Variants in IL1RAPL2 observed in about 807,000 individuals in gnomAD.
The protein encoded by IL1RAPL2 is X-linked interleukin-1 receptor accessory protein-like 2.
Under a neutral mutation model 44.1 loss-of-function variants are expected in IL1RAPL2, and 3 were observed. The ratio of observed to expected loss-of-function variants is 0.07; its 90% CI spans 0.03 to 0.18. The LOEUF (loss-of-function observed/expected upper bound fraction) is 0.18, where lower values mean the gene tolerates loss of function less well. Among genes scored for constraint, IL1RAPL2 ranks in the 10% least tolerant of loss-of-function variants. The pLI is 1.00. For missense variants in IL1RAPL2, 391 were observed against 496.4 expected (o/e 0.79, Z 2.02); for synonymous variants, 181 against 178.8 (o/e 1.01, Z -0.10).
intron 6 of IL1RAPL2, among the ~76,000 whole-genome samples, chrX:105,695,831 G>C (rs2147534645): frequency 8.9e-6 from 1 of 112,080 alleles, no homozygotes; most frequent in African/African-American, 3.2e-5. Flanking sequence ...AAGTGAGAAA[G>C]CTGGAAATTG....
At chrX:104,721,794 T>C (rs1211233074) in intron 2 of IL1RAPL2, among the ~76,000 whole-genome samples, 2 of 111,632 alleles carry the variant, frequency 1.8e-5, no homozygotes, top group Non-Finnish European at 3.8e-5. Flanking sequence ...ACTCAAAAAC[T>C]CATTCTCAAT....
intron 3 of IL1RAPL2, among the ~76,000 whole-genome samples, chrX:105,225,162 A>T (rs1464357065): frequency 1.8e-5 from 2 of 112,069 alleles, no homozygotes; most frequent in Non-Finnish European, 3.8e-5. Context: ...AGAATGATCC[A>T]CAATTCTTAG....
intron 6 of IL1RAPL2, among the ~76,000 whole-genome samples, chrX:105,642,944 C>A (rs954047074): frequency 8.8e-5 from 10 of 113,038 alleles, no homozygotes; most frequent in South Asian, 3.6e-4. Context: ...TCCTTACATA[C>A]CTTAGAATTA....
chrX:105,684,232 G>A (rs771593435), intron 6 of IL1RAPL2, among the ~76,000 whole-genome samples: 7 of 112,299 alleles, frequency 6.2e-5, no homozygotes, highest in Admixed American at 3.8e-4. Flanking sequence ...GCGGGGCGTC[G>A]CCTCACCCGG....
At chrX:104,728,768 C>A (rs987827371) in intron 2 of IL1RAPL2, among the ~76,000 whole-genome samples, 7 of 111,425 alleles carry the variant, frequency 6.3e-5, no homozygotes, top group African/African-American at 2.3e-4. Flanking sequence ...AGAGCACGGG[C>A]CTGTTTTCTT....
chrX:104,792,671 G>A (rs1932831680), intron 2 of IL1RAPL2, among the ~76,000 whole-genome samples: 2 of 111,401 alleles, frequency 1.8e-5, no homozygotes, highest in South Asian at 3.8e-4. Flanking sequence ...ATAAACAAAG[G>A]GTGGCTGACA....
intron 3 of IL1RAPL2, among the ~76,000 whole-genome samples, chrX:105,223,341 A>G (rs2033985041): frequency 1.8e-5 from 2 of 111,255 alleles, no homozygotes; most frequent in Non-Finnish European, 3.8e-5. Flanking sequence ...AGGGCTGAGG[A>G]CAGCACCGTG....
intron 6 of IL1RAPL2, among the ~76,000 whole-genome samples, chrX:105,705,206 A>G (rs1221361464): frequency 9.0e-6 from 1 of 110,929 alleles, no homozygotes; most frequent in Non-Finnish European, 1.9e-5. Flanking sequence ...TAGATGATAG[A>G]TGAATAGATA....
chrX:104,943,492 C>T (rs1280850753), intron 2 of IL1RAPL2, among the ~76,000 whole-genome samples: 1 of 111,785 alleles, frequency 8.9e-6, no homozygotes, highest in African/African-American at 3.3e-5. Flanking sequence ...TCTGTTTCTC[C>T]AGTTGAAATC....
chrX:104,581,142 C>T (rs1350843654), intron 1 of IL1RAPL2, among the ~76,000 whole-genome samples: 4 of 112,325 alleles, frequency 3.6e-5, no homozygotes, highest in African/African-American at 1.3e-4. Flanking sequence ...AAATGGGCTT[C>T]TGGGCTTCGA....
chrX:104,827,388 T>C (rs760943155), intron 2 of IL1RAPL2, among the ~76,000 whole-genome samples: 22 of 111,386 alleles, frequency 2.0e-4, no homozygotes, highest in African/African-American at 4.9e-4. Context: ...TTATGAAGCT[T>C]AGTTTGGCTT....
At chrX:105,379,550 C>G (rs2035414044) in intron 5 of IL1RAPL2, among the ~76,000 whole-genome samples, 1 of 111,023 alleles carries the variant, frequency 9.0e-6, no homozygotes, top group Admixed American at 9.6e-5. Context: ...GTTAAAAATC[C>G]AGGATATGAG....
intron 1 of IL1RAPL2, among the ~76,000 whole-genome samples, chrX:104,635,372 G>C (rs769708671): frequency 6.5e-4 from 72 of 110,371 alleles, no homozygotes; most frequent in African/African-American, 2.3e-3. Context: ...TGTATTTCCT[G>C]AATCTGAACG....
chrX:105,083,178 C>T (rs1337195447), intron 2 of IL1RAPL2, among the ~76,000 whole-genome samples: 3 of 110,306 alleles, frequency 2.7e-5, no homozygotes, highest in East Asian at 2.9e-4. Flanking sequence ...ATAGCTGAAT[C>T]GATCAAGCAG....
At chrX:105,481,131 C>T (rs771360532) in intron 5 of IL1RAPL2, among the ~76,000 whole-genome samples, 3 of 111,794 alleles carry the variant, frequency 2.7e-5, no homozygotes, top group Non-Finnish European at 3.8e-5. Context: ...GTGTAATTAT[C>T]GTAGAGTCAA....
chrX:105,659,665 TAAATA>T (rs1333638678), intron 6 of IL1RAPL2, among the ~76,000 whole-genome samples: 2 of 103,813 alleles, frequency 1.9e-5, no homozygotes, highest in African/African-American at 3.5e-5. Flanking sequence ...TCAAAAAAAA[TAAATA>T]AAATAAAAAA....
chrX:104,761,967 T>C (rs772918172), intron 2 of IL1RAPL2, among the ~76,000 whole-genome samples: 7 of 86,606 alleles, frequency 8.1e-5, no homozygotes, highest in East Asian at 3.3e-4. Context: ...CTTCTTCTTC[T>C]TCTTCTTCTT....
chrX:105,356,653 G>A (rs2035205633), intron 5 of IL1RAPL2, among the ~76,000 whole-genome samples: 1 of 112,168 alleles, frequency 8.9e-6, no homozygotes, highest in Non-Finnish European at 1.9e-5. Flanking sequence ...GAGACCATTT[G>A]GATTTGTTGA....
intron 5 of IL1RAPL2, among the ~76,000 whole-genome samples, chrX:105,287,082 C>G (rs1238494052): frequency 1.8e-5 from 2 of 111,799 alleles, no homozygotes; most frequent in Non-Finnish European, 3.8e-5. Context: ...CTTAAACCAT[C>G]ACACAAATAA....
Sources: allele counts gnomAD v4.1 joint callset (sites outside exome capture counted in the v4.1 genomes callset), GRCh38; gene constraint gnomAD v4.1.1; transcripts MANE v1.5; gene names NCBI Gene and HGNC (gene_info 2026-07-23, HGNC 2026-07-21).